Variants in NUP62CL observed in about 807,000 individuals in gnomAD.
NUP62CL encodes the protein nucleoporin-62 C-terminal-like protein.
A neutral mutation model predicts 15.3 loss-of-function variants in NUP62CL; 13 were observed. The ratio of observed to expected loss-of-function variants is 0.85; its 90% CI spans 0.55 to 1.35. NUP62CL has a LOEUF of 1.35. Ranked by LOEUF, NUP62CL falls within the 40% of genes most tolerant of loss-of-function variation. The pLI, the probability that NUP62CL is intolerant of heterozygous loss-of-function variation, is 0.00. For missense variants in NUP62CL, 123 were observed against 130.6 expected, an observed-to-expected ratio of 0.94 and a Z score of 0.28; for synonymous variants, 54 against 49.2, an observed-to-expected ratio of 1.10 and a Z score of -0.41.
intron 2 of NUP62CL, among the ~76,000 whole-genome samples, chrX:107,185,196 CAAAAAAA>C (rs3072235): frequency 2.4e-4 from 5 of 20,983 alleles, no homozygotes; most frequent in East Asian, 1.4e-3. Context: ...GACTCCGTCT[CAAAAAAA>C]AAAAAAAAAA....
At chrX:107,162,317 T>G (rs983397081) in intron 4 of NUP62CL, among the ~76,000 whole-genome samples, 1 of 110,553 alleles carries the variant, frequency 9.0e-6, no homozygotes, top group Admixed American at 9.7e-5. Context: ...AAAAACGTAT[T>G]TAAAAAAAAA....
intron 8 of NUP62CL, chrX:107,131,589 G>A: frequency 4.6e-6 from 2 of 432,283 alleles, no homozygotes; most frequent in South Asian, 6.2e-5. Context: ...TACTCAAGAT[G>A]GCAGCTCCGC....
At chrX:107,165,748 A>T (rs1926502286) in intron 4 of NUP62CL, among the ~76,000 whole-genome samples, 1 of 112,168 alleles carries the variant, frequency 8.9e-6, no homozygotes, top group Non-Finnish European at 1.9e-5. Context: ...ATTGAGGCTG[A>T]AAAAGCATTT....
rs575934119 is a variant in NUP62CL, at chrX:107,172,712, T to C, written c.58+2377A>G. ...TAACTTTTAGAGAAAAAAAAAACTT[T>C]ATCAGTCTCAACCAGCTAAATACTG... On this transcript the variant is annotated intron_variant, in intron 3 of 8. Transcript: ENST00000372466. 3.1e-4 allele frequency among the ~76,000 whole-genome samples: 35 copies of C among 112,145 alleles called. No homozygotes were observed. In the South Asian group the frequency reaches 0.013, roughly 42 times the overall value.
At chrX:107,162,784 T>C (rs1926419962) in intron 4 of NUP62CL, among the ~76,000 whole-genome samples, 1 of 111,961 alleles carries the variant, frequency 8.9e-6, no homozygotes, top group Non-Finnish European at 1.9e-5. Flanking sequence ...CACCAGGAAC[T>C]GGTTTTGTGG....
chrX:107,184,134 T>A (rs1229350235), intron 2 of NUP62CL, among the ~76,000 whole-genome samples: 2 of 109,205 alleles, frequency 1.8e-5, no homozygotes, highest in Non-Finnish European at 3.8e-5. Flanking sequence ...AAGCAAAAGG[T>A]TTAAATCAGA....
chrX:107,183,466 T>TA (rs1569364274), intron 2 of NUP62CL, among the ~76,000 whole-genome samples: 1 of 109,815 alleles, frequency 9.1e-6, no homozygotes, highest in Non-Finnish European at 1.9e-5. Context: ...TAAAATAAGA[T>TA]AAAAAATAAA....
chrX:107,124,551 T>C (rs1430196933), intron 8 of NUP62CL, among the ~76,000 whole-genome samples: 2 of 111,042 alleles, frequency 1.8e-5, no homozygotes, highest in Non-Finnish European at 3.8e-5. Context: ...CTCCCTAGCT[T>C]TCAGGCAAAT....
At chrX:107,190,501 T>G (rs1035519566) in intron 2 of NUP62CL, among the ~76,000 whole-genome samples, 6 of 112,126 alleles carry the variant, frequency 5.4e-5, no homozygotes, top group African/African-American at 1.9e-4. Context: ...AAAACAAAGA[T>G]TGATTGGTTC....
At chrX:107,199,131 A>G (rs1222107248) in intron 1 of NUP62CL, among the ~76,000 whole-genome samples, 1 of 111,296 alleles carries the variant, frequency 9.0e-6, no homozygotes, top group Non-Finnish European at 1.9e-5. Context: ...TATAAAGGGG[A>G]AAAGATAAAA....
chrX:107,186,030 A>C (rs1037353488), intron 2 of NUP62CL, among the ~76,000 whole-genome samples: 10 of 111,937 alleles, frequency 8.9e-5, no homozygotes, highest in South Asian at 7.5e-4. Flanking sequence ...AAGTCTTAGT[A>C]ATCATATGTG....
intron 4 of NUP62CL, among the ~76,000 whole-genome samples, chrX:107,161,917 C>T (rs1020618464): frequency 9.6e-6 from 1 of 104,413 alleles, no homozygotes; most frequent in African/African-American, 3.5e-5. Flanking sequence ...TGAGAGGTAT[C>T]AGATGTTGGA....
intron 1 of NUP62CL, among the ~76,000 whole-genome samples, chrX:107,196,466 T>C (rs1316197851): frequency 8.9e-6 from 1 of 112,001 alleles, no homozygotes; most frequent in Non-Finnish European, 1.9e-5. Context: ...AGTTTCACTC[T>C]TGTTGTCCAG....
intron 8 of NUP62CL, among the ~76,000 whole-genome samples, chrX:107,132,902 T>C (rs1263510489): frequency 8.9e-6 from 1 of 112,397 alleles, no homozygotes; most frequent in Non-Finnish European, 1.9e-5. Context: ...TTAACACAAA[T>C]GTATTGTCTT....
At chrX:107,132,161 G>A (rs530797680) in intron 8 of NUP62CL, 1 of 1,148,476 alleles carries the variant, frequency 8.7e-7, no homozygotes, top group Middle Eastern at 2.4e-4. Flanking sequence ...TCAAACCTGA[G>A]TTGTGAACAG....
chrX:107,203,144 G>C (rs1051218128), intron 1 of NUP62CL, among the ~76,000 whole-genome samples: 13 of 109,803 alleles, frequency 1.2e-4, no homozygotes, highest in African/African-American at 4.3e-4. Context: ...CTTCCTGTTA[G>C]GCTTCCTATT....
chrX:107,136,941 G>A (rs1034881090), intron 8 of NUP62CL, among the ~76,000 whole-genome samples: 33 of 111,423 alleles, frequency 3.0e-4, no homozygotes, highest in African/African-American at 9.8e-4. Flanking sequence ...TGGCACGTCT[G>A]TAATCCCAGC....
At chrX:107,163,136 T>A (rs1355287643) in intron 4 of NUP62CL, among the ~76,000 whole-genome samples, 1 of 111,608 alleles carries the variant, frequency 9.0e-6, no homozygotes, top group Non-Finnish European at 1.9e-5. Flanking sequence ...TCTCAGATCA[T>A]TTGATGGCTG....
chrX:107,203,589 G>A (rs1927538191), intron 1 of NUP62CL, among the ~76,000 whole-genome samples: 1 of 110,927 alleles, frequency 9.0e-6, no homozygotes, highest in Non-Finnish European at 1.9e-5. Flanking sequence ...ATTTTCTGTT[G>A]TTGGTTAGTT....
Sources: gnomAD v4.1 joint callset for allele counts (sites outside exome capture counted in the v4.1 genomes callset) on GRCh38, gnomAD v4.1.1 for gene constraint, MANE v1.5 for transcripts, NCBI Gene and HGNC (gene_info 2026-07-23, HGNC 2026-07-21) for gene names.